Variants in PCDHA8 observed in about 807,000 individuals in gnomAD.
The protein encoded by PCDHA8 is protocadherin alpha 8, also known as protocadherin alpha-8.
PCDHA8 carries 53 observed loss-of-function variants against 61.8 expected under a neutral mutation model. The ratio of observed to expected loss-of-function variants is 0.86; its 90% CI spans 0.69 to 1.08. The LOEUF (loss-of-function observed/expected upper bound fraction) is 1.08. Ranked by LOEUF, PCDHA8 falls within the 50% of genes least tolerant of loss-of-function variation. PCDHA8 has a pLI of 0.00. For missense variants in PCDHA8, 1,293 were observed against 1,245.0 expected (o/e 1.04, Z -0.58); for synonymous variants, 618 against 556.6 (o/e 1.11, Z -1.55).
chr5:141,007,107 A>G (rs1162403610), intron 3 of PCDHA8, among the ~76,000 whole-genome samples: 1 of 152,190 alleles, frequency 6.6e-6, no homozygotes, highest in Non-Finnish European at 1.5e-5. Context: ...GCCAAACCCA[A>G]GGAAGCTTCA....
At chr5:140,850,521 C>T (rs2041655366) in intron 1 of PCDHA8, 2 of 1,598,110 alleles carry the variant, frequency 1.3e-6, no homozygotes, top group Admixed American at 3.4e-5. Context: ...CGGCCAGGCG[C>T]CAAAGTCATC....
intron 1 of PCDHA8, among the ~76,000 whole-genome samples, chr5:140,954,774 A>G (rs1396315075): frequency 1.3e-5 from 2 of 152,120 alleles, no homozygotes; most frequent in Admixed American, 1.3e-4. Flanking sequence ...TCTTTAATTT[A>G]ATTAGATCTC....
intron 1 of PCDHA8, 149 bp from the exon 2 acceptor site, chr5:140,978,800 T>C: frequency 6.8e-7 from 1 of 1,480,668 alleles, no homozygotes; most frequent in South Asian, 1.4e-5. Flanking sequence ...TATATGTAGA[T>C]ATCATCATAG....
chr5:140,863,239 T>C (rs1554158001), intron 1 of PCDHA8: 26 of 1,323,164 alleles, frequency 2.0e-5, no homozygotes, highest in African/African-American at 2.9e-5. Context: ...ATCGCGGGCT[T>C]TGGCGGGCGT....
intron 3 of PCDHA8, among the ~76,000 whole-genome samples, chr5:140,983,909 C>G (rs2097076070): frequency 6.6e-6 from 1 of 152,226 alleles, no homozygotes. Flanking sequence ...TGATTCTAAT[C>G]AGCCAGGATT....
intron 1 of PCDHA8, chr5:140,871,090 A>G (rs782465793): frequency 1.2e-6 from 2 of 1,613,254 alleles, no homozygotes; most frequent in South Asian, 1.1e-5. Flanking sequence ...GGCCACGGCC[A>G]CCGTGCTGGT....
intron 1 of PCDHA8, among the ~76,000 whole-genome samples, chr5:140,912,858 A>G (rs1554195572): frequency 6.6e-6 from 1 of 152,192 alleles, no homozygotes; most frequent in East Asian, 1.9e-4. Context: ...ATCAATTGAA[A>G]TGATATATGG....
chr5:140,950,523 T>C (rs1289314937), intron 1 of PCDHA8, among the ~76,000 whole-genome samples: 2 of 152,094 alleles, frequency 1.3e-5, no homozygotes, highest in African/African-American at 4.8e-5. Flanking sequence ...TGCGATATGA[T>C]TGTTTTTGTT....
intron 1 of PCDHA8, chr5:140,869,236 G>C (rs781873875): frequency 1.2e-6 from 2 of 1,613,674 alleles, no homozygotes; most frequent in South Asian, 2.2e-5. Flanking sequence ...CGGCACCTTC[G>C]TGGGCCGCAT....
intron 1 of PCDHA8, chr5:140,928,773 T>A: frequency 6.2e-7 from 1 of 1,614,164 alleles, no homozygotes; most frequent in Non-Finnish European, 8.5e-7. Context: ...TTCTTCCCAC[T>A]GATGCAGTTA....
chr5:140,886,659 C>T (rs782545078), intron 1 of PCDHA8, among the ~76,000 whole-genome samples: 4 of 151,858 alleles, frequency 2.6e-5, no homozygotes, highest in African/African-American at 4.8e-5. Context: ...AACCCTGTCT[C>T]TACTAAAAAT....
In PCDHA8 at chr5:140,841,607, T is replaced by G. The variant is rs1554138334; in HGVS notation, c.286T>G (p.Cys96Gly). 4.3e-6 allele frequency: 7 copies of G among 1,614,090 alleles called. No homozygotes were observed. Among genetic ancestry groups the G allele is most frequent in the Non-Finnish European group, 5.9e-6 (7 of 1,180,012 alleles). Reference sequence around the variant, plus strand: ...TTCTCGGATCGACCGCGAGGAGCTGTGCGGGCGGAGCGCGGAGTGCAGCAT... The same window carrying G: ...TTCTCGGATCGACCGCGAGGAGCTGGGCGGGCGGAGCGCGGAGTGCAGCAT... ...VNSRIDREEL[C>G]GRSAECSIHL... The change falls in exon 1 of 4, where the codon TGC becomes GGC. Residue 96 changes from cysteine (C) to glycine (G), a missense_variant. Cys to Gly is a radical substitution (Grantham distance 159). Transcript: ENST00000531613.
chr5:140,843,345 C>T lies in PCDHA8; in HGVS notation c.2024C>T (p.Ala675Val), dbSNP rs2150357960. Residue 675 changes from alanine to valine, a missense_variant, in exon 1 of 4, where the codon GCT becomes GTT. Transcript: ENST00000531613. ...GTGTCGCTGGTGGAGAGCGGCCAGG[C>T]TCCAAAAGCGTCATCGAGGCAGTCG... Reference protein sequence around the residue: ...VLVSLVESGQAPKASSRQSAG... With the variant: ...VLVSLVESGQVPKASSRQSAG... 12 of 1,595,968 alleles carry T rather than the reference C, an allele frequency of 7.5e-6. No individual in the cohort carries two copies. Among genetic ancestry groups the T allele is most frequent in the African/African-American group, 5.4e-5 (4 of 74,430 alleles).
At chr5:140,988,501 A>G (rs966150033) in intron 3 of PCDHA8, among the ~76,000 whole-genome samples, 3 of 152,164 alleles carry the variant, frequency 2.0e-5, no homozygotes, top group Non-Finnish European at 2.9e-5. Context: ...AGGAGAAGCC[A>G]TGAAGCTTAC....
chr5:140,979,197 T>C (rs954222917), intron 2 of PCDHA8, among the ~76,000 whole-genome samples, 190 bp downstream of exon 2: 2 of 152,214 alleles, frequency 1.3e-5, no homozygotes, highest in Non-Finnish European at 2.9e-5. Flanking sequence ...CAGATGCTTA[T>C]CAAGTGCTGG....
chr5:140,849,578 G>A (rs2150441176), intron 1 of PCDHA8: 2 of 1,598,680 alleles, frequency 1.3e-6, no homozygotes, highest in East Asian at 2.2e-5. Flanking sequence ...CTGTAAAAGA[G>A]GACGCACAAC....
rs2150499672 is a variant in PCDHA8 at position 140,850,819 on chromosome 5, G to A, written c.2394+7104G>A. 1.0e-5 allele frequency: 16 copies of A among 1,598,272 alleles called. No individual in the cohort carries two copies. In the African/African-American group the frequency reaches 1.7e-4, roughly 17 times the overall value. On this transcript the variant is annotated intron_variant, in intron 1 of 3. Transcript: ENST00000531613. ...ACCGACCTCATGGCCTTCAGCCCGGGCCTTTCTCCTTGTGCTGGATCTACA... is the reference window on the plus strand; with the variant it reads ...ACCGACCTCATGGCCTTCAGCCCGGACCTTTCTCCTTGTGCTGGATCTACA...
intron 1 of PCDHA8, among the ~76,000 whole-genome samples, chr5:140,895,090 T>A (rs2064836305): frequency 6.6e-6 from 1 of 152,190 alleles, no homozygotes; most frequent in Non-Finnish European, 1.5e-5. Flanking sequence ...CTCCTCAGTA[T>A]AGGGGTTTTT....
chr5:140,961,793 A>G (rs1554225592), intron 1 of PCDHA8, among the ~76,000 whole-genome samples: 2 of 152,166 alleles, frequency 1.3e-5, no homozygotes, highest in Admixed American at 1.3e-4. Flanking sequence ...TTTTTAAAAG[A>G]TAGGAAATTG....
Sources: gnomAD v4.1 joint callset for allele counts (sites outside exome capture counted in the v4.1 genomes callset) on GRCh38, gnomAD v4.1.1 for gene constraint, MANE v1.5 for transcripts, NCBI Gene and HGNC (gene_info 2026-07-23, HGNC 2026-07-21) for gene names.